Variants in SKAP2 observed in about 807,000 individuals in gnomAD.
SKAP2 encodes the protein src kinase associated phosphoprotein 2.
Under a neutral mutation model 54.9 loss-of-function variants are expected in SKAP2, and 28 were observed. The ratio of observed to expected loss-of-function variants is 0.51; its 90% confidence interval spans 0.38 to 0.70. SKAP2 has a LOEUF of 0.70. Ranked by LOEUF, SKAP2 falls within the 30% of genes least tolerant of loss-of-function variation. SKAP2 has a pLI of 0.00. For synonymous variants in SKAP2, 137 were observed against 134.3 expected (o/e 1.02, Z -0.14); for missense variants, 356 against 424.1 (o/e 0.84, Z 1.41).
At chr7:26,686,891 G>T (rs1786656666) in intron 10 of SKAP2, among the ~76,000 whole-genome samples, 1 of 152,096 alleles carries the variant, frequency 6.6e-6, no homozygotes, top group African/African-American at 2.4e-5. Context: ...TCTTTAGTCT[G>T]CGTTCCCCAT....
intron 4 of SKAP2, among the ~76,000 whole-genome samples, chr7:26,796,718 C>A (rs1783788965): frequency 1.3e-5 from 2 of 152,214 alleles, no homozygotes; most frequent in Non-Finnish European, 2.9e-5. Flanking sequence ...TAACATTTCT[C>A]TAGCTTATTC....
At chr7:26,663,613 AGTTT>A (rs1289303044), downstream of SKAP2, among the ~76,000 whole-genome samples, 1 of 152,194 alleles carries the variant, frequency 6.6e-6, no homozygotes, top group Non-Finnish European at 1.5e-5. Flanking sequence ...CTGATGGTAC[AGTTT>A]GTTAACAATC....
intron 4 of SKAP2, among the ~76,000 whole-genome samples, chr7:26,759,767 T>C (rs770141857): frequency 6.6e-6 from 1 of 152,164 alleles, no homozygotes; most frequent in African/African-American, 2.4e-5. Context: ...TGCTTATTCA[T>C]AAAGCATTTC....
At chr7:26,765,119 C>T (rs1359732152) in intron 4 of SKAP2, among the ~76,000 whole-genome samples, 1 of 151,308 alleles carries the variant, frequency 6.6e-6, no homozygotes, top group African/African-American at 2.4e-5. Flanking sequence ...GTTCCTATTT[C>T]TCCACATCCT....
intron 3 of SKAP2, among the ~76,000 whole-genome samples, chr7:26,848,755 ATAAT>A (rs1366473613): frequency 2.6e-5 from 4 of 152,224 alleles, no homozygotes; most frequent in Non-Finnish European, 1.5e-5. Context: ...CTAAATATAC[ATAAT>A]TAAGCATTTA....
At chr7:26,782,624 G>T (rs997932297) in intron 4 of SKAP2, among the ~76,000 whole-genome samples, 10 of 152,092 alleles carry the variant, frequency 6.6e-5, no homozygotes, top group Non-Finnish European at 1.5e-4. Context: ...CTAGGAATTT[G>T]AGGCTTCAGT....
chr7:26,725,372 TCACACACACA>T (rs139615753), intron 9 of SKAP2, 46 bp downstream of exon 9: 1 of 1,124,708 alleles, frequency 8.9e-7, no homozygotes, highest in Non-Finnish European at 1.3e-6. Context: ...ACACACACAC[TCACACACACA>T]CACACAGCCC....
At chr7:26,707,583 C>T (rs1453523746) in intron 9 of SKAP2, among the ~76,000 whole-genome samples, 1 of 152,100 alleles carries the variant, frequency 6.6e-6, no homozygotes, top group Non-Finnish European at 1.5e-5. Context: ...ATATGGTCAA[C>T]CAAGCTGAAA....
At chr7:26,822,028 A>G (rs1420370130) in intron 4 of SKAP2, among the ~76,000 whole-genome samples, 1 of 150,460 alleles carries the variant, frequency 6.6e-6, no homozygotes, top group Non-Finnish European at 1.5e-5. Context: ...TAAGTATTTT[A>G]TTTGCCAAAT....
At chr7:26,727,069 T>C in intron 6 of SKAP2, 63 bp from the exon 7 acceptor site, 9 of 1,341,930 alleles carry the variant, frequency 6.7e-6, no homozygotes, top group Non-Finnish European at 9.0e-6. Context: ...TTATCTTTTA[T>C]GTAAAATTTC....
At chr7:26,664,728 GAAAAAA>G (rs372243207), downstream of SKAP2, among the ~76,000 whole-genome samples, 24 of 111,082 alleles carry the variant, frequency 2.2e-4, no homozygotes, top group African/African-American at 6.1e-4. Context: ...AAACTGAAAA[GAAAAAA>G]AAAAAAAAAA....
In SKAP2 at chr7:26,854,836, G is replaced by C. The variant is rs776279217; in HGVS notation, c.122C>G (p.Ala41Gly). ...ILKGENLSKK[A>G]KEKRESLIKK... ...AATAAGGGATTCTCTCTTTTCCTTTGCTTTCTTGGATAAATTTTCTCCTTT... is the reference window on the plus strand; with the variant it reads ...AATAAGGGATTCTCTCTTTTCCTTTCCTTTCTTGGATAAATTTTCTCCTTT... The change falls in exon 2 of 13, where the codon GCA becomes GGA. Residue 41 changes from alanine (A) to glycine (G), a missense_variant. Ala to Gly is a moderately conservative substitution (Grantham distance 60). Coordinates refer to ENST00000345317, the MANE Select transcript of SKAP2 (RefSeq NM_003930.5). The C allele has an allele frequency of 5.6e-5, 89 of 1,601,032 alleles. 1 individual carries two copies. In the South Asian group the frequency reaches 9.2e-4, roughly 16 times the overall value.
intron 3 of SKAP2, among the ~76,000 whole-genome samples, chr7:26,849,417 G>C (rs912807379): frequency 6.6e-6 from 1 of 152,060 alleles, no homozygotes; most frequent in African/African-American, 2.4e-5. Flanking sequence ...GCCGGGCACA[G>C]TGGTCCACAC....
At chr7:26,761,793 G>A (rs1477359551) in intron 4 of SKAP2, among the ~76,000 whole-genome samples, 3 of 152,154 alleles carry the variant, frequency 2.0e-5, no homozygotes, top group Non-Finnish European at 4.4e-5. Flanking sequence ...CCGGCAACTC[G>A]GGAGTCTGAG....
At chr7:26,677,172 C>T (rs1466531459) in intron 11 of SKAP2, among the ~76,000 whole-genome samples, 1 of 152,064 alleles carries the variant, frequency 6.6e-6, no homozygotes, top group African/African-American at 2.4e-5. Flanking sequence ...GGGAGGATCA[C>T]CTGAAGTCAG....
chr7:26,769,378 C>G (rs1044665895), intron 4 of SKAP2, among the ~76,000 whole-genome samples: 1 of 152,170 alleles, frequency 6.6e-6, no homozygotes, highest in Admixed American at 6.5e-5. Context: ...AGGTTCTCAG[C>G]TTCCCTGAAT....
chr7:26,824,814 C>T (rs1428579712), intron 4 of SKAP2, among the ~76,000 whole-genome samples: 2 of 152,124 alleles, frequency 1.3e-5, no homozygotes, highest in Non-Finnish European at 2.9e-5. Flanking sequence ...AAATTTGCTC[C>T]ATGGGCTGTA....
At chr7:26,684,568 A>C (rs1047806760) in intron 11 of SKAP2, among the ~76,000 whole-genome samples, 168 bp downstream of exon 11, 1 of 152,198 alleles carries the variant, frequency 6.6e-6, no homozygotes, top group African/African-American at 2.4e-5. Flanking sequence ...TTAAAATTTG[A>C]TTACATTTCA....
chr7:26,778,424 C>A, intron 4 of SKAP2, among the ~76,000 whole-genome samples: 1 of 151,930 alleles, frequency 6.6e-6, no homozygotes, highest in South Asian at 2.1e-4. Context: ...ACTATGATTC[C>A]GCTAACAATC....
Sources: allele counts gnomAD v4.1 joint callset (sites outside exome capture counted in the v4.1 genomes callset), GRCh38; gene constraint gnomAD v4.1.1; transcripts MANE v1.5; gene names NCBI Gene and HGNC (gene_info 2026-07-23, HGNC 2026-07-21).